The following ZSCAN10 variants were observed in gnomAD, a reference collection of about 807,000 sequenced individuals.
The protein encoded by ZSCAN10 is zinc finger and SCAN domain containing 10, also known as zinc finger and SCAN domain-containing protein 10.
ZSCAN10 carries 52 observed loss-of-function variants against 63.7 expected under a neutral mutation model. The ratio of observed to expected loss-of-function variants is 0.82; its 90% CI spans 0.65 to 1.03. The LOEUF (loss-of-function observed/expected upper bound fraction) is 1.03, where lower values mean the gene tolerates loss of function less well. Ranked by LOEUF, ZSCAN10 falls within the 50% of genes least tolerant of loss-of-function variation. The probability of loss-of-function intolerance (pLI) is 0.00; values close to 1 mark genes in which losing one functional copy is unlikely to be tolerated. For synonymous variants in ZSCAN10, 544 were observed against 479.6 expected, an observed-to-expected ratio of 1.13 and a Z score of -1.76; for missense variants, 1,223 against 1,103.8, an observed-to-expected ratio of 1.11 and a Z score of -1.53.
At chr16:3,094,074 G>A (rs1292579587) in intron 1 of ZSCAN10, among the ~76,000 whole-genome samples, 1 of 152,136 alleles carries the variant, frequency 6.6e-6, no homozygotes, top group Non-Finnish European at 1.5e-5. Context: ...GTGCAGTGGC[G>A]CAATCACGGC....
Position 3,092,062 on chromosome 16 carries a change from G to T in ZSCAN10, c.651C>A (p.Ala217=), listed in dbSNP as rs1957085554. The T allele has an allele frequency of 6.4e-7, 1 of 1,566,100 alleles. No homozygotes were observed. The highest frequency in any genetic ancestry group is 1.9e-5 in the Admixed American group (1 of 53,790). ...LSPGPQKTFQ[A]LQESSPQGPS... The stretch of plus-strand genomic sequence containing the variant: ...CAAGCTCCTCACTGCTTTCTTGCAG[G>T]GCCTGGAATGTCTTCTGGGGCCCCG... The change falls in exon 3 of 6, where the codon GCC becomes GCA. Residue 217 remains alanine, a synonymous_variant. Coordinates refer to ENST00000576985, the MANE Select transcript of ZSCAN10 (RefSeq NM_032805.3).
chr16:3,088,969 C>G lies in ZSCAN10; in HGVS notation c.*122G>C. On this transcript the variant is annotated 3_prime_UTR_variant, in exon 6 of 6. Coordinates refer to ENST00000576985, the MANE Select transcript of ZSCAN10 (RefSeq NM_032805.3). ...AAGCAATGCCTCGGCCAGGGAAGGA[C>G]AGCTGTGAAAGTGGAAGGAGAGGGA... The G allele has an allele frequency of 7.3e-7, 1 of 1,372,916 alleles. No individual in the cohort carries two copies. The highest frequency in any genetic ancestry group is 9.3e-7 in the Non-Finnish European group (1 of 1,069,826). The allele number at this position is 1,372,916 out of a possible 1,614,324, so 85.0% of individuals were successfully genotyped here. A position where few individuals can be genotyped will look rare whatever the true frequency, so the allele number is the denominator to read the frequency against.
Position 3,091,532 on chromosome 16 carries a change from T to C in ZSCAN10, c.787+8A>G, listed in dbSNP as rs767124123. ...CAGTGGTCACTTCTCCAGGGAAGGG[T>C]TGCTTACCCAGGGGGTGTGCAGGCC... On this transcript the variant is annotated splice_region_variant and intron_variant, in intron 5 of 5. Transcript: ENST00000576985. 35 of 1,613,970 alleles carry C rather than the reference T, an allele frequency of 2.2e-5. No individual in the cohort carries two copies. The highest frequency in any genetic ancestry group is 3.0e-5 in the Non-Finnish European group (35 of 1,179,950).
In ZSCAN10 at chr16:3,090,123, G is replaced by C. The variant is rs1252403355; in HGVS notation, c.1311C>G (p.Cys437Trp). ...SSEPAFLCAE[C>W]GRGFQRRASL... ...TGGCGCGGCGCTGGAAGCCGCGGCCGCACTCTGCGCACAGGAAGGCGGGTT... is the reference window on the plus strand; with the variant it reads ...TGGCGCGGCGCTGGAAGCCGCGGCCCCACTCTGCGCACAGGAAGGCGGGTT... The change falls in exon 6 of 6, where the codon TGC becomes TGG. Residue 437 changes from cysteine to tryptophan, a missense_variant. Coordinates refer to ENST00000576985, the MANE Select transcript of ZSCAN10 (RefSeq NM_032805.3). 1 of 1,599,788 alleles carries C rather than the reference G, an allele frequency of 6.3e-7. No individual in the cohort carries two copies. The highest frequency in any genetic ancestry group is 8.5e-7 in the Non-Finnish European group (1 of 1,176,792).
Position 3,089,809 on chromosome 16 carries a change from C to A in ZSCAN10, c.1625G>T (p.Arg542Met). The change falls in exon 6 of 6, where the codon AGG becomes ATG. Residue 542 changes from arginine (R) to methionine (M), a missense_variant. Transcript: ENST00000576985. ...RRSEHLVAHR[R>M]VHTGERPFSC... ...GAAGGGCCGCTCGCCCGTGTGCACC[C>A]TCCGGTGGGCCACCAGGTGCTCGCT... 6.3e-7 allele frequency: 1 copy of A among 1,579,580 alleles called. No homozygotes were observed.
intron 2 of ZSCAN10, 29 bp from the exon 3 acceptor site, chr16:3,092,345 C>G (rs1957093824): frequency 5.1e-6 from 8 of 1,566,690 alleles, no homozygotes; most frequent in Non-Finnish European, 6.9e-6. Flanking sequence ...AGTTAAGTGA[C>G]TCCCGGGGTG....
Position 3,089,628 on chromosome 16 carries a change from G to A in ZSCAN10, c.1806C>T (p.Gly602=). The A allele has an allele frequency of 1.9e-6, 3 of 1,585,786 alleles. No homozygotes were observed. Among genetic ancestry groups the A allele is most frequent in the Non-Finnish European group, 2.6e-6 (3 of 1,166,038 alleles). The change falls in exon 6 of 6, where the codon GGC becomes GGT. Residue 602 remains glycine, a synonymous_variant. Coordinates refer to ENST00000576985, the MANE Select transcript of ZSCAN10 (RefSeq NM_032805.3). Reference sequence around the variant, plus strand: ...ACTGGGTGCAGTGGTGGGGCCGAGGGCCACCGTGGGTCAGCAGGTGGCGGG... The same window carrying A: ...ACTGGGTGCAGTGGTGGGGCCGAGGACCACCGTGGGTCAGCAGGTGGCGGG... ...SLARHLLTHG[G]PRPHHCTQCG... is the part of the protein sequence containing the mutation.
Position 3,090,642 on chromosome 16 carries a change from G to A in ZSCAN10, c.792C>T (p.Phe264=), listed in dbSNP as rs1311285149. ...CCTCCTTGTCTGGGGTTCTGCTTCC[G>A]AATCCTGGGAAACAAGACAAAACAG... The part of the protein sequence containing the change: ...NKAWPAHPLG[F]GSRTPDKEEF... The change falls in exon 6 of 6, where the codon TTC becomes TTT. Residue 264 remains phenylalanine (F), a synonymous_variant. Coordinates refer to ENST00000576985, the MANE Select transcript of ZSCAN10 (RefSeq NM_032805.3). 10 of 1,531,434 alleles carry A rather than the reference G, an allele frequency of 6.5e-6. No homozygotes were observed. Among genetic ancestry groups the A allele is most frequent in the South Asian group, 2.5e-5 (2 of 80,426 alleles). 94.9% of individuals were successfully genotyped at this position (1,531,434 alleles called of 1,614,324 possible).
Position 3,092,963 on chromosome 16 carries a change from A to G in ZSCAN10, c.-26T>C. ...CCTTCACTGCGGGGATGCCTCCCTAACGCCAGCCCCGCTCTTGGGTCTCTC... is the reference window on the plus strand; with the variant it reads ...CCTTCACTGCGGGGATGCCTCCCTAGCGCCAGCCCCGCTCTTGGGTCTCTC... On this transcript the variant is annotated 5_prime_UTR_variant, in exon 2 of 6. Coordinates refer to ENST00000576985, the MANE Select transcript of ZSCAN10 (RefSeq NM_032805.3). The G allele has an allele frequency of 4.3e-6, 6 of 1,394,726 alleles. No homozygotes were observed. The highest frequency in any genetic ancestry group is 4.6e-6 in the Non-Finnish European group (5 of 1,076,518). The allele number at this position is 1,394,726 out of a possible 1,614,324, so 86.4% of individuals were successfully genotyped here. A position where few individuals can be genotyped will look rare whatever the true frequency, so the allele number is the denominator to read the frequency against.
intron 1 of ZSCAN10, among the ~76,000 whole-genome samples, chr16:3,097,104 A>G (rs1280804901): frequency 3.9e-5 from 6 of 152,018 alleles, no homozygotes; most frequent in Non-Finnish European, 8.8e-5. Context: ...CTCAAAAAAA[A>G]AAAAAAGTAA....
chr16:3,090,522 G>C lies in ZSCAN10; in HGVS notation c.912C>G (p.Cys304Trp). ...ADSPGVPGEPCAQSLGRGAAA... is the reference protein window; with the variant it reads ...ADSPGVPGEPWAQSLGRGAAA... The stretch of plus-strand genomic sequence containing the variant: ...CAGCGCCCCGTCCGAGCGACTGGGC[G>C]CAAGGCTCTCCCGGCACCCCAGGAC... The change falls in exon 6 of 6, where the codon TGC becomes TGG. Residue 304 changes from cysteine (C) to tryptophan (W), a missense_variant. Coordinates refer to ENST00000576985, the MANE Select transcript of ZSCAN10 (RefSeq NM_032805.3). The C allele has an allele frequency of 6.2e-7, 1 of 1,612,906 alleles. No individual in the cohort carries two copies. Among genetic ancestry groups the C allele is most frequent in the South Asian group, 1.1e-5 (1 of 91,072 alleles).
intron 1 of ZSCAN10, chr16:3,093,253 C>G: frequency 4.8e-6 from 1 of 206,518 alleles, no homozygotes; most frequent in South Asian, 1.8e-4. Flanking sequence ...CTTGGCCGGG[C>G]ACAGTGGCTC....
In ZSCAN10 at chr16:3,090,146, G is replaced by T. The variant is rs377365152; in HGVS notation, c.1288C>A (p.Pro430Thr). The T allele has an allele frequency of 6.2e-7, 1 of 1,601,290 alleles. No individual in the cohort carries two copies. Among genetic ancestry groups the T allele is most frequent in the South Asian group, 1.1e-5 (1 of 90,418 alleles). Residue 430 changes from proline to threonine, a missense_variant, in exon 6 of 6, where the codon CCC (proline) becomes ACC (threonine). Transcript: ENST00000576985. ...SKHLLTHSSE[P>T]AFLCAECGRG... The stretch of plus-strand genomic sequence containing the variant: ...CCGCACTCTGCGCACAGGAAGGCGG[G>T]TTCGGAGGAGTGGGTCAGCAGGTGC...
rs748056508 is a variant in ZSCAN10, at chr16:3,090,516, C to T, written c.918G>A (p.Gln306=). ...TAGCCGCAGCGCCCCGTCCGAGCGA[C>T]TGGGCGCAAGGCTCTCCCGGCACCC... is the stretch of plus-strand genomic sequence containing the variant. The part of the protein sequence containing the change: ...SPGVPGEPCA[Q]SLGRGAAASG... Residue 306 remains glutamine (Q), a synonymous_variant, in exon 6 of 6, where the codon CAG becomes CAA. Coordinates refer to ENST00000576985, the MANE Select transcript of ZSCAN10 (RefSeq NM_032805.3). 3.1e-6 allele frequency: 5 copies of T among 1,613,190 alleles called. No individual in the cohort carries two copies. Among genetic ancestry groups the T allele is most frequent in the Non-Finnish European group, 4.2e-6 (5 of 1,179,682 alleles).
chr16:3,091,501 A>C (rs1418871208), intron 5 of ZSCAN10, 39 bp downstream of exon 5: 1 of 1,604,702 alleles, frequency 6.2e-7, no homozygotes, highest in Non-Finnish European at 8.5e-7. Context: ...GAAAAGAAAG[A>C]GGCATCAGTG....
intron 1 of ZSCAN10, among the ~76,000 whole-genome samples, chr16:3,098,095 A>G (rs369146889): frequency 2.7e-4 from 41 of 151,720 alleles, no homozygotes; most frequent in South Asian, 8.4e-4. Context: ...GAAAAGAAAA[A>G]AAAAGAGTGG....
intron 3 of ZSCAN10, 41 bp from the exon 4 acceptor site, chr16:3,091,869 G>A (rs1342999882): frequency 1.9e-6 from 3 of 1,581,776 alleles, no homozygotes; most frequent in Admixed American, 3.6e-5. Flanking sequence ...GCTGTTAGAA[G>A]GCAGCCCTGC....
At chr16:3,097,561 C>A (rs1426534432) in intron 1 of ZSCAN10, among the ~76,000 whole-genome samples, 1 of 152,178 alleles carries the variant, frequency 6.6e-6, no homozygotes, top group African/African-American at 2.4e-5. Flanking sequence ...CAGATTTCAA[C>A]CCCTGCATGT....
In ZSCAN10 at chr16:3,090,536, G is replaced by A. The variant is rs759936090; in HGVS notation, c.898C>T (p.Pro300Ser). ...AESQADSPGV[P>S]GEPCAQSLGR... ...AGCGACTGGGCGCAAGGCTCTCCCG[G>A]CACCCCAGGACTATCTGCCTGGGAC... Residue 300 changes from proline (P) to serine (S), a missense_variant, in exon 6 of 6, where the codon CCG (proline) becomes TCG (serine). By Grantham distance (74) the Pro-to-Ser change is moderately conservative. Coordinates refer to ENST00000576985, the MANE Select transcript of ZSCAN10 (RefSeq NM_032805.3). The A allele has an allele frequency of 2.5e-6, 4 of 1,612,554 alleles. No homozygotes were observed. The highest frequency in any genetic ancestry group is 3.4e-6 in the Non-Finnish European group (4 of 1,179,254).
Sources: gnomAD v4.1 joint callset for allele counts (sites outside exome capture counted in the v4.1 genomes callset) on GRCh38, gnomAD v4.1.1 for gene constraint, MANE v1.5 for transcripts, NCBI Gene and HGNC (gene_info 2026-07-23, HGNC 2026-07-21) for gene names.